P2RX6: variants seen among roughly 807,000 people sequenced by gnomAD.
P2RX6 encodes the protein P2X purinoceptor 6.
A neutral mutation model predicts 54.2 loss-of-function variants in P2RX6; 62 were observed. The observed-to-expected ratio is 1.14, with a 90% CI of 0.93 to 1.41. The LOEUF is 1.41. Ranked by LOEUF, P2RX6 falls within the 40% of genes most tolerant of loss-of-function variation. P2RX6 has a pLI of 0.00. For synonymous variants in P2RX6, 211 were observed against 231.9 expected (o/e 0.91, Z 0.82); for missense variants, 541 against 566.3 (o/e 0.96, Z 0.45).
upstream of P2RX6, chr22:21,014,287 C>G (rs1008830796): frequency 1.3e-5 from 2 of 152,688 alleles, no homozygotes; most frequent in African/African-American, 4.8e-5. Context: ...GAGCGCGACC[C>G]GGGGATGTGG....
chr22:21,024,280 C>CTT (rs35973141), intron 8 of P2RX6, among the ~76,000 whole-genome samples: 10 of 133,926 alleles, frequency 7.5e-5, no homozygotes, highest in South Asian at 2.4e-4. Flanking sequence ...TTTACCTAAA[C>CTT]TTTTTTTTTT....
chr22:21,026,072 G>T lies in P2RX6; in HGVS notation c.1046G>T (p.Gly349Val). 7 of 1,610,156 alleles carry T rather than the reference G, an allele frequency of 4.3e-6. No individual in the cohort carries two copies. Among genetic ancestry groups the T allele is most frequent in the Non-Finnish European group, 5.9e-6 (7 of 1,178,760 alleles). ...CTGGGCACCGGGGCAGCTTGGCTGG[G>T]CGTGGTGAGTGCGAGCACTGTGGGC... is the stretch of plus-strand genomic sequence containing the variant. Reference protein sequence around the residue: ...VTLGTGAAWLGVVTFFCDLLL... With the variant: ...VTLGTGAAWLVVVTFFCDLLL... The change falls in exon 10 of 12, where the codon GGC (glycine) becomes GTC (valine). Residue 349 changes from glycine to valine, a missense_variant. By Grantham distance (109) the Gly-to-Val change is moderately radical. This residue lies in a region of P2RX6 where 526 missense variants were observed against 531.5 expected (regional missense o/e 0.99). Transcript: ENST00000413302. This position sits in a 1 kb window ranked among gnomAD's most constrained non-coding sequence, Gnocchi z 4.0.
upstream of P2RX6, among the ~76,000 whole-genome samples, chr22:21,010,909 C>T (rs1767650364): frequency 6.6e-6 from 1 of 151,864 alleles, no homozygotes; most frequent in Non-Finnish European, 1.5e-5. Flanking sequence ...CTCACTGTTC[C>T]TCTGCTTGAA....
At chr22:21,023,920 G>A (rs1488644504) in intron 8 of P2RX6, among the ~76,000 whole-genome samples, 1 of 151,328 alleles carries the variant, frequency 6.6e-6, no homozygotes, top group East Asian at 1.9e-4. Flanking sequence ...CAGCAATGGG[G>A]TGTTTCATTT....
chr22:21,018,118 G>T, intron 3 of P2RX6, 58 bp downstream of exon 3: 1 of 1,104,094 alleles, frequency 9.1e-7, no homozygotes, highest in Non-Finnish European at 1.4e-6. Flanking sequence ...GCCCCAGGGG[G>T]CCACCCGTGT....
intron 8 of P2RX6, among the ~76,000 whole-genome samples, chr22:21,024,708 T>C (rs1928086591): frequency 1.3e-5 from 2 of 152,046 alleles, no homozygotes; most frequent in East Asian, 1.9e-4. Flanking sequence ...GTAGCTGGGA[T>C]GACAGGTGTG....
chr22:21,015,292 G>C lies in P2RX6; in HGVS notation c.118G>C (p.Ala40Pro). The change falls in exon 1 of 12, where the codon GCC becomes CCC. Residue 40 changes from alanine (A) to proline (P), a missense_variant. Physicochemically the swap from Ala to Pro is conservative, Grantham distance 27. Transcript: ENST00000413302. ...YVMTRNWRVG[A>P]LQRLLQFGIV... ...GATGACCAGGAACTGGCGGGTGGGC[G>C]CCCTGCAGAGGCTGCTGCAGTTTGG... 6.4e-7 allele frequency: 1 copy of C among 1,556,412 alleles called. No individual in the cohort carries two copies. Among genetic ancestry groups the C allele is most frequent in the Non-Finnish European group, 8.6e-7 (1 of 1,159,082 alleles).
upstream of P2RX6, among the ~76,000 whole-genome samples, chr22:21,010,785 C>T (rs1428445868): frequency 2.6e-5 from 4 of 151,992 alleles, no homozygotes; most frequent in Admixed American, 6.5e-5. Context: ...CTTTTTGCCA[C>T]GGCCTACAGC....
upstream of P2RX6, chr22:21,012,588 C>A: frequency 1.6e-6 from 1 of 610,534 alleles, no homozygotes; most frequent in Non-Finnish European, 3.1e-6. Context: ...CCCCATAGAG[C>A]CCACTGTCCC....
At chr22:21,017,539 G>A (rs1378858865) in intron 2 of P2RX6, among the ~76,000 whole-genome samples, 1 of 152,172 alleles carries the variant, frequency 6.6e-6, no homozygotes, top group African/African-American at 2.4e-5. Flanking sequence ...AGTACTAGAA[G>A]CAGCAGGCTG....
chr22:21,021,618 C>T (rs564665632), intron 3 of P2RX6, among the ~76,000 whole-genome samples: 53 of 152,314 alleles, frequency 3.5e-4, no homozygotes, highest in Non-Finnish European at 5.6e-4. Flanking sequence ...GCCTTCCTTG[C>T]GCCCCTGGTG....
At position 21,027,989 on chromosome 22, in the gene P2RX6, G is replaced by A. The variant is rs1928719125; in HGVS notation, c.*1372G>A. 1 of 152,158 alleles carries A rather than the reference G, an allele frequency of 6.6e-6. No individual in the cohort carries two copies. The highest frequency in any genetic ancestry group is 6.5e-5 in the Admixed American group (1 of 15,286). The allele number at this position is 152,158 out of a possible 1,614,324, so 9.4% of individuals were successfully genotyped here. ...GATGTCATGGCTGGACAAAGTCACG[G>A]AGTAAAGCCAGCAAAGCCACCCTCT... On this transcript the variant is annotated 3_prime_UTR_variant, in exon 12 of 12. Transcript: ENST00000413302.
At chr22:21,024,287 T>C (rs1286970888) in intron 8 of P2RX6, among the ~76,000 whole-genome samples, 1 of 151,136 alleles carries the variant, frequency 6.6e-6, no homozygotes, top group East Asian at 1.9e-4. Context: ...AAACTTTTTT[T>C]TTTTTTTTGA....
chr22:21,011,985 G>T (rs1925761408), upstream of P2RX6, among the ~76,000 whole-genome samples: 1 of 152,180 alleles, frequency 6.6e-6, no homozygotes, highest in South Asian at 2.1e-4. Context: ...ACTTACATGG[G>T]TCACACACTC....
Position 21,026,424 on chromosome 22 carries a change from A to G in P2RX6, c.1133A>G (p.Lys378Arg), listed in dbSNP as rs1165191417. 6.3e-7 allele frequency: 1 copy of G among 1,599,062 alleles called. No individual in the cohort carries two copies. Among genetic ancestry groups the G allele is most frequent in the African/African-American group, 1.3e-5 (1 of 74,586 alleles). ...ACCTGCTGTCCTCATCTGCAGGCCA[A>G]GGCCCCGAAAGCAACCGCCAACTCT... is the stretch of plus-strand genomic sequence containing the variant. ...FYWRTKYEEAKAPKATANSVW... is the reference protein window; with the variant it reads ...FYWRTKYEEARAPKATANSVW... Residue 378 changes from lysine to arginine, a missense_variant, in exon 12 of 12, where the codon AAG (lysine) becomes AGG (arginine). By Grantham distance (26) the Lys-to-Arg change is conservative. Coordinates refer to ENST00000413302, the MANE Select transcript of P2RX6 (RefSeq NM_005446.5). The surrounding 1 kb of genome is among the most constrained non-coding windows in gnomAD (Gnocchi z 4.0).
rs764763974 is a variant in P2RX6 at position 21,023,180 on chromosome 22, G to T, written c.620G>T (p.Ser207Ile). The T allele has an allele frequency of 6.2e-7, 1 of 1,613,934 alleles. No homozygotes were observed. Among genetic ancestry groups the T allele is most frequent in the Admixed American group, 1.7e-5 (1 of 60,018 alleles). ...TLFIKNTVTF[S>I]KFNFSKSNAL... ...TTCATCAAAAACACAGTCACCTTCA[G>T]CAAGTTCAACTTCTCTAAGTAAGCA... Residue 207 changes from serine to isoleucine, a missense_variant, in exon 6 of 12, where the codon AGC becomes ATC. By Grantham distance (142) the Ser-to-Ile change is moderately radical. This residue lies in a region of P2RX6 where 526 missense variants were observed against 531.5 expected (regional missense o/e 0.99). Transcript: ENST00000413302.
chr22:21,018,156 A>T (rs1458895588), intron 3 of P2RX6, 96 bp downstream of exon 3: 5 of 798,950 alleles, frequency 6.3e-6, no homozygotes, highest in African/African-American at 3.4e-5. Context: ...AGGTGGCTGA[A>T]GGCTCAGCCT....
upstream of P2RX6, chr22:21,015,001 T>C (rs913352850): frequency 3.9e-6 from 2 of 511,120 alleles, no homozygotes; most frequent in African/African-American, 2.0e-5. Context: ...AAAGGGAATG[T>C]AGGGAGGGTG....
chr22:21,022,106 G>A (rs2516532), intron 3 of P2RX6, among the ~76,000 whole-genome samples: 1 of 152,166 alleles, frequency 6.6e-6, no homozygotes, highest in South Asian at 2.1e-4. Context: ...GTTGTCTCAC[G>A]CCTGTAATCC....
Sources: allele counts gnomAD v4.1 joint callset (sites outside exome capture counted in the v4.1 genomes callset), GRCh38; gene constraint gnomAD v4.1.1; regional missense constraint gnomAD v4.1.1; non-coding constraint Gnocchi (gnomAD v3.1); transcripts MANE v1.5; gene names NCBI Gene and HGNC (gene_info 2026-07-23, HGNC 2026-07-21).